Variants in ADAMTSL1 observed in about 807,000 individuals in gnomAD.
ADAMTSL1 encodes the protein ADAMTS like 1.
A neutral mutation model predicts 201.8 loss-of-function variants in ADAMTSL1; 126 were observed. The ratio of observed to expected loss-of-function variants is 0.62; its 90% CI spans 0.54 to 0.72. The LOEUF is 0.72. ADAMTSL1 is among the 30% of genes least tolerant of loss of function. The probability of loss-of-function intolerance (pLI) is 0.00; values close to 1 mark genes in which losing one functional copy is unlikely to be tolerated. For missense variants in ADAMTSL1, 2,679 were observed against 2,277.8 expected (o/e 1.18, Z -3.59); for synonymous variants, 1,121 against 903.4 (o/e 1.24, Z -4.32).
chr9:18,143,755 G>C (rs1490736281), intron 1 of ADAMTSL1, among the ~76,000 whole-genome samples: 1 of 152,120 alleles, frequency 6.6e-6, no homozygotes, highest in Non-Finnish European at 1.5e-5. Context: ...CTGAACTGGA[G>C]CTTAAATAAT....
At chr9:18,152,086 T>C (rs1039172928) in intron 1 of ADAMTSL1, among the ~76,000 whole-genome samples, 9 of 152,094 alleles carry the variant, frequency 5.9e-5, no homozygotes, top group South Asian at 2.1e-4. Flanking sequence ...GTAAGATAAG[T>C]ATTATTGTTC....
At chr9:18,064,999 G>A (rs541545559) in intron 1 of ADAMTSL1, among the ~76,000 whole-genome samples, 7 of 116,622 alleles carry the variant, frequency 6.0e-5, no homozygotes, top group African/African-American at 2.0e-4. Context: ...GGTGGGCTCT[G>A]AATAAACCTG....
At chr9:18,213,934 A>T (rs529394586) in intron 2 of ADAMTSL1, among the ~76,000 whole-genome samples, 2 of 152,066 alleles carry the variant, frequency 1.3e-5, no homozygotes, top group Admixed American at 1.3e-4. Context: ...ATGGGGTTTC[A>T]CCATGTTGGC....
At chr9:18,186,984 C>G (rs1300584610) in intron 2 of ADAMTSL1, among the ~76,000 whole-genome samples, 3 of 152,052 alleles carry the variant, frequency 2.0e-5, no homozygotes, top group African/African-American at 7.2e-5. Flanking sequence ...ACTCTAAATC[C>G]CATGTCTAAC....
intron 2 of ADAMTSL1, among the ~76,000 whole-genome samples, chr9:18,403,985 C>T (rs1818084631): frequency 6.6e-6 from 1 of 151,974 alleles, no homozygotes; most frequent in South Asian, 2.1e-4. Flanking sequence ...ATTGAGTGCC[C>T]CGTGGAAGGA....
intron 2 of ADAMTSL1, among the ~76,000 whole-genome samples, chr9:18,359,823 A>ACCC (rs1563911432): frequency 2.4e-4 from 10 of 42,188 alleles, no homozygotes; most frequent in Admixed American, 6.1e-4. Flanking sequence ...CCACCTCCCC[A>ACCC]CCCGCCCCCC....
At chr9:18,232,782 C>A (rs1443049502) in intron 2 of ADAMTSL1, among the ~76,000 whole-genome samples, 1 of 152,070 alleles carries the variant, frequency 6.6e-6, no homozygotes, top group Non-Finnish European at 1.5e-5. Flanking sequence ...TTTCTGGCAC[C>A]TTTATATAGA....
At position 18,179,142 on chromosome 9, in the gene ADAMTSL1, A is replaced by T. The variant is rs1355084582; in HGVS notation, c.207+15161A>T. 3.3e-5 allele frequency among the ~76,000 whole-genome samples: 5 copies of T among 152,242 alleles called. No individual in the cohort carries two copies. The East Asian group carries it at 9.7e-4, about 29-fold the overall frequency. On this transcript the variant is annotated intron_variant, in intron 2 of 29. Transcript: ENST00000680146. ...TGAAAACTTTGAAAAAATTTAGAAG[A>T]ATGTATAACTAGAATAACCAATACA...
intron 20 of ADAMTSL1, among the ~76,000 whole-genome samples, chr9:18,801,260 T>G (rs1327893019): frequency 6.6e-6 from 1 of 152,148 alleles, no homozygotes; most frequent in Non-Finnish European, 1.5e-5. Context: ...TTAAAACTAT[T>G]TTTTCAGCTT....
At chr9:18,456,438 T>C (rs1228924901) in intron 2 of ADAMTSL1, among the ~76,000 whole-genome samples, 1 of 152,146 alleles carries the variant, frequency 6.6e-6, no homozygotes, top group Non-Finnish European at 1.5e-5. Context: ...TTGGAATATA[T>C]AAAATCTCTT....
chr9:18,781,985 T>G (rs1202095711), intron 19 of ADAMTSL1, among the ~76,000 whole-genome samples: 2 of 152,238 alleles, frequency 1.3e-5, no homozygotes, highest in Non-Finnish European at 2.9e-5. Flanking sequence ...ATTCACATAG[T>G]TCTCAGAAAT....
intron 14 of ADAMTSL1, among the ~76,000 whole-genome samples, chr9:18,710,293 C>T (rs1238334830): frequency 6.6e-6 from 1 of 152,174 alleles, no homozygotes; most frequent in Non-Finnish European, 1.5e-5. Context: ...GAGTGTTGAC[C>T]ACAGGGCTGG....
At chr9:18,816,521 G>A (rs1447112408) in intron 20 of ADAMTSL1, among the ~76,000 whole-genome samples, 1 of 152,152 alleles carries the variant, frequency 6.6e-6, no homozygotes, top group East Asian at 1.9e-4. Flanking sequence ...ACAGGCATGA[G>A]CCACTGCACC....
rs567746923 is a variant in ADAMTSL1, at chr9:18,113,650, G to A, written c.88-50212G>A. On this transcript the variant is annotated intron_variant, in intron 1 of 29. Coordinates refer to the ADAMTSL1 transcript ENST00000680146. ...TGTGGATCCAGAAAGTCTTCAGCACGTGAGTGATTTTGTTGACACCATGGG... is the reference window on the plus strand; with the variant it reads ...TGTGGATCCAGAAAGTCTTCAGCACATGAGTGATTTTGTTGACACCATGGG... 1.1e-4 allele frequency among the ~76,000 whole-genome samples: 16 copies of A among 152,234 alleles called. No homozygotes were observed. In the South Asian group the frequency reaches 3.3e-3, roughly 32 times the overall value.
At chr9:18,493,668 C>CT (rs1563994892) in intron 1 of ADAMTSL1, among the ~76,000 whole-genome samples, 1 of 152,112 alleles carries the variant, frequency 6.6e-6, no homozygotes. Flanking sequence ...AAATGTGATC[C>CT]TTTTTTTGCC....
intron 5 of ADAMTSL1, among the ~76,000 whole-genome samples, chr9:18,634,934 A>G (rs974896343): frequency 2.7e-5 from 3 of 112,598 alleles, no homozygotes; most frequent in African/African-American, 9.1e-5. Context: ...AATAAAAAAG[A>G]TAAGTATGAA....
At chr9:18,173,623 C>A (rs1370758447) in intron 2 of ADAMTSL1, among the ~76,000 whole-genome samples, 1 of 151,972 alleles carries the variant, frequency 6.6e-6, no homozygotes, top group East Asian at 1.9e-4. Flanking sequence ...CAAATAGATA[C>A]CAAGATTAAT....
chr9:18,252,515 A>T (rs1334365189), intron 2 of ADAMTSL1, among the ~76,000 whole-genome samples: 1 of 152,212 alleles, frequency 6.6e-6, no homozygotes, highest in Non-Finnish European at 1.5e-5. Flanking sequence ...CCTCTAGATT[A>T]CTTATATACC....
At position 18,776,781 on chromosome 9, in the gene ADAMTSL1, G is replaced by A. The variant is rs1279896017; in HGVS notation, c.2552G>A (p.Arg851Lys). 6.5e-7 allele frequency: 1 copy of A among 1,544,208 alleles called. No homozygotes were observed. The highest frequency in any genetic ancestry group is 2.0e-5 in the Admixed American group (1 of 50,300). Reference sequence around the variant, plus strand: ...CCCTTCGGGTTCGCTCTCCTTCCAGGGCCCGGGCGGCCATCCACGAAGCAC... The same window carrying A: ...CCCTTCGGGTTCGCTCTCCTTCCAGAGCCCGGGCGGCCATCCACGAAGCAC... The part of the protein sequence containing the change: ...IRPCMLATCA[R>K]PGRPSTKHSP... Residue 851 changes from arginine to lysine, a missense_variant and splice_region_variant, in exon 19 of 29, where the codon AGG (arginine) becomes AAG (lysine). Physicochemically the swap from Arg to Lys is conservative, Grantham distance 26 (BLOSUM62 2). Coordinates refer to ENST00000380548, the MANE Select transcript of ADAMTSL1 (RefSeq NM_001040272.6).
Sources: allele counts gnomAD v4.1 joint callset (sites outside exome capture counted in the v4.1 genomes callset), GRCh38; gene constraint gnomAD v4.1.1; transcripts MANE v1.5; gene names NCBI Gene and HGNC (gene_info 2026-07-23, HGNC 2026-07-21).